Variants in WDR12 observed in about 807,000 individuals in gnomAD.
The protein encoded by WDR12 is WD repeat domain 12, also known as ribosome biogenesis protein WDR12.
In WDR12, 42 loss-of-function variants were observed where a neutral mutation model predicts 64.3. That is an observed-to-expected ratio of 0.65 (90% CI 0.51 to 0.84). The LOEUF is 0.84. Among genes scored for constraint, WDR12 ranks in the 40% least tolerant of loss-of-function variants. The pLI, the probability that WDR12 is intolerant of heterozygous loss-of-function variation, is 0.00. For synonymous variants in WDR12, 158 were observed against 173.3 expected (o/e 0.91, Z 0.70); for missense variants, 469 against 494.6 (o/e 0.95, Z 0.49).
rs1450400560 is a variant in WDR12 at position 202,875,555 on chromosome 2, A to G, written c.*5305T>C. The G allele has an allele frequency of 6.6e-6, 1 of 151,960 alleles. No individual in the cohort carries two copies. Among genetic ancestry groups the G allele is most frequent in the African/African-American group, 2.4e-5 (1 of 41,330 alleles). 9.4% of individuals were successfully genotyped at this position (151,960 alleles called of 1,614,324 possible). A position where few individuals can be genotyped will look rare whatever the true frequency, so the allele number is the denominator to read the frequency against. Reference sequence around the variant, plus strand: ...AGGCATGTGCCACTATGACTGGCTAATTTTGTATTTTTAGTAGAGACGGGG... The same window carrying G: ...AGGCATGTGCCACTATGACTGGCTAGTTTTGTATTTTTAGTAGAGACGGGG... On this transcript the variant is annotated 3_prime_UTR_variant, in exon 13 of 13. Coordinates refer to ENST00000261015, the MANE Select transcript of WDR12 (RefSeq NM_018256.4).
rs1398459804 is a variant in WDR12, at chr2:202,883,637, T to C, written c.1093A>G (p.Asn365Asp). 1.2e-6 allele frequency: 2 copies of C among 1,614,002 alleles called. No individual in the cohort carries two copies. Among genetic ancestry groups the C allele is most frequent in the Admixed American group, 3.3e-5 (2 of 59,996 alleles). The change falls in exon 11 of 13, where the codon AAC becomes GAC. Residue 365 changes from asparagine to aspartate, a missense_variant. Transcript: ENST00000261015. ...CTTGTATCCCACAGCTTAACAATGT[T>C]ATCTAAAGATCCTGAAATCAGCTGC... ...EQQLISGSLD[N>D]IVKLWDTRSC...
chr2:202,895,852 C>T, intron 6 of WDR12: 1 of 477,398 alleles, frequency 2.1e-6, no homozygotes, highest in Non-Finnish European at 3.5e-6. Context: ...CTTAAAATTT[C>T]TGGAGTTTAT....
chr2:202,902,784 T>C (rs1315477288), intron 2 of WDR12, among the ~76,000 whole-genome samples: 1 of 152,190 alleles, frequency 6.6e-6, no homozygotes, highest in African/African-American at 2.4e-5. Flanking sequence ...CTTGTGATCG[T>C]GTGAGTCAAT....
chr2:202,881,220 TAC>T (rs1352733089), intron 12 of WDR12, among the ~76,000 whole-genome samples: 1 of 152,222 alleles, frequency 6.6e-6, no homozygotes, highest in African/African-American at 2.4e-5. Flanking sequence ...TTGAAAGGGA[TAC>T]AGTTTTACCT....
Position 202,875,835 on chromosome 2 carries a change from T to C in WDR12, c.*5025A>G, listed in dbSNP as rs941256010. ...AAGATAAGTCCAAGTTCAAATTCAC[T>C]GCCATTTATTTCCTGCCTGTGTGAC... On this transcript the variant is annotated 3_prime_UTR_variant, in exon 13 of 13. Coordinates refer to ENST00000261015, the MANE Select transcript of WDR12 (RefSeq NM_018256.4). 4 of 152,250 alleles carry C rather than the reference T, an allele frequency of 2.6e-5. No homozygotes were observed. The highest frequency in any genetic ancestry group is 6.5e-5 in the Admixed American group (1 of 15,282). The allele number at this position is 152,250 out of a possible 1,614,324, so 9.4% of individuals were successfully genotyped here.
intron 8 of WDR12, among the ~76,000 whole-genome samples, chr2:202,889,262 G>A (rs1164249244): frequency 6.6e-6 from 1 of 152,196 alleles, no homozygotes; most frequent in Admixed American, 6.5e-5. Context: ...TATCAGCAAA[G>A]TAGAGTGGGA....
intron 8 of WDR12, among the ~76,000 whole-genome samples, chr2:202,887,859 C>CAGTCCGA (rs1355767623): frequency 5.1e-5 from 7 of 137,612 alleles, no homozygotes; most frequent in Non-Finnish European, 1.1e-4. Flanking sequence ...CTGCAGTCCG[C>CAGTCCGA]AGTCCGACCT....
At chr2:202,898,461 G>A (rs1015872661) in intron 4 of WDR12, among the ~76,000 whole-genome samples, 1 of 152,126 alleles carries the variant, frequency 6.6e-6, no homozygotes, top group African/African-American at 2.4e-5. Flanking sequence ...TCCACCTGAA[G>A]TATTTTGTAC....
At chr2:202,906,425 A>C (rs1388363231) in intron 2 of WDR12, among the ~76,000 whole-genome samples, 1 of 152,090 alleles carries the variant, frequency 6.6e-6, no homozygotes, top group African/African-American at 2.4e-5. Context: ...ACATCACCTC[A>C]AATTTCACAA....
In WDR12 at chr2:202,879,561, C is replaced by G. The variant is rs1042331903; in HGVS notation, c.*1299G>C. The G allele has an allele frequency of 1.3e-5, 2 of 152,036 alleles. No homozygotes were observed. The highest frequency in any genetic ancestry group is 4.8e-5 in the African/African-American group (2 of 41,384). 9.4% of individuals were successfully genotyped at this position (152,036 alleles called of 1,614,324 possible). A position where few individuals can be genotyped will look rare whatever the true frequency, so the allele number is the denominator to read the frequency against. ...TCAGCCTCCCAAGTACTTGGGACCACAGGAGTGTGCCACCACACCCGGCTA... is the reference window on the plus strand; with the variant it reads ...TCAGCCTCCCAAGTACTTGGGACCAGAGGAGTGTGCCACCACACCCGGCTA... On this transcript the variant is annotated 3_prime_UTR_variant, in exon 13 of 13. Coordinates refer to ENST00000261015, the MANE Select transcript of WDR12 (RefSeq NM_018256.4).
chr2:202,897,726 A>G (rs1489360387), intron 4 of WDR12, among the ~76,000 whole-genome samples: 1 of 148,034 alleles, frequency 6.8e-6, no homozygotes, highest in Non-Finnish European at 1.5e-5. Context: ...TGTCTCTACT[A>G]AAAATACAAA....
At chr2:202,892,352 CAT>C (rs1688170155) in intron 8 of WDR12, among the ~76,000 whole-genome samples, 1 of 152,176 alleles carries the variant, frequency 6.6e-6, no homozygotes, top group African/African-American at 2.4e-5. Context: ...CAGAATGCAA[CAT>C]GAGATCAAAC....
In WDR12 at chr2:202,892,641, C is replaced by G; in HGVS notation, c.717G>C (p.Lys239Asn). The change falls in exon 8 of 13, where the codon AAG (lysine) becomes AAC (asparagine). Residue 239 changes from lysine (K) to asparagine (N), a missense_variant. Physicochemically the swap from Lys to Asn is moderately conservative, Grantham distance 94. Coordinates refer to ENST00000261015, the MANE Select transcript of WDR12 (RefSeq NM_018256.4). ...CCCTTGTTAGTCCCAACTGTTCTGTCTTCTGTTTCTTTCTTGGTCGATTTG... is the reference window on the plus strand; with the variant it reads ...CCCTTGTTAGTCCCAACTGTTCTGTGTTCTGTTTCTTTCTTGGTCGATTTG... ...ESTNRPRKKQ[K>N]TEQLGLTRTP... is the part of the protein sequence containing the mutation. The G allele has an allele frequency of 6.2e-7, 1 of 1,613,208 alleles. No homozygotes were observed.
At chr2:202,902,295 G>A (rs950690681) in intron 2 of WDR12, among the ~76,000 whole-genome samples, 1 of 152,196 alleles carries the variant, frequency 6.6e-6, no homozygotes, top group African/African-American at 2.4e-5. Context: ...TCCCAGGGAT[G>A]CAAGAATAGT....
chr2:202,903,338 G>A (rs183303532), intron 2 of WDR12, among the ~76,000 whole-genome samples: 1 of 151,964 alleles, frequency 6.6e-6, no homozygotes, highest in African/African-American at 2.4e-5. Context: ...ATACTAAATG[G>A]GGAAAAAACT....
Position 202,878,315 on chromosome 2 carries a change from T to C in WDR12, c.*2545A>G, listed in dbSNP as rs1687896980. On this transcript the variant is annotated 3_prime_UTR_variant, in exon 13 of 13. Transcript: ENST00000261015. The stretch of plus-strand genomic sequence containing the variant: ...AGTTAAGAAAGACATTTTAAATAAC[T>C]GCCCTTAAGGATCATTTGAAGACCA... 6.6e-6 allele frequency: 1 copy of C among 152,162 alleles called. No homozygotes were observed. Among genetic ancestry groups the C allele is most frequent in the Non-Finnish European group, 1.5e-5 (1 of 68,038 alleles). 9.4% of individuals were successfully genotyped at this position (152,162 alleles called of 1,614,324 possible).
intron 7 of WDR12, 100 bp downstream of exon 7, chr2:202,894,481 T>G (rs564356537): frequency 2.0e-6 from 2 of 1,021,630 alleles, no homozygotes; most frequent in Non-Finnish European, 1.4e-6. Context: ...CCTGGCTTCC[T>G]GAAGTGCTGA....
rs1687897889 is a variant in WDR12 at position 202,878,389 on chromosome 2, T to G, written c.*2471A>C. On this transcript the variant is annotated 3_prime_UTR_variant, in exon 13 of 13. Coordinates refer to ENST00000261015, the MANE Select transcript of WDR12 (RefSeq NM_018256.4). ...TCTTTGTCCTCTCAAAGTTAGAAGATTTCCAGAGACTACAAATACAATAAA... is the reference window on the plus strand; with the variant it reads ...TCTTTGTCCTCTCAAAGTTAGAAGAGTTCCAGAGACTACAAATACAATAAA... 6.6e-6 allele frequency: 1 copy of G among 152,208 alleles called. No individual in the cohort carries two copies. The highest frequency in any genetic ancestry group is 6.5e-5 in the Admixed American group (1 of 15,276). 9.4% of individuals were successfully genotyped at this position (152,208 alleles called of 1,614,324 possible). A position where few individuals can be genotyped will look rare whatever the true frequency, so the allele number is the denominator to read the frequency against.
chr2:202,893,020 T>C (rs1350464831), intron 7 of WDR12, among the ~76,000 whole-genome samples: 1 of 152,120 alleles, frequency 6.6e-6, no homozygotes, highest in African/African-American at 2.4e-5. Context: ...TACTGTTAGT[T>C]GTAGGAGAGT....
Sources: gnomAD v4.1 joint callset for allele counts (sites outside exome capture counted in the v4.1 genomes callset) on GRCh38, gnomAD v4.1.1 for gene constraint, MANE v1.5 for transcripts, NCBI Gene and HGNC (gene_info 2026-07-23, HGNC 2026-07-21) for gene names.